Variants in SDK2 observed in about 807,000 individuals in gnomAD.
SDK2 encodes sidekick cell adhesion molecule 2.
In SDK2, 105 loss-of-function variants were observed where a neutral mutation model predicts 253.9. The ratio of observed to expected loss-of-function variants is 0.41; its 90% CI spans 0.35 to 0.49. The LOEUF is 0.49. SDK2 is among the 20% of genes least tolerant of loss of function. The pLI, the probability that SDK2 is intolerant of heterozygous loss-of-function variation, is 0.06. For synonymous variants in SDK2, 1,249 were observed against 1,234.9 expected, an observed-to-expected ratio of 1.01 and a Z score of -0.24; for missense variants, 2,608 against 3,003.0, an observed-to-expected ratio of 0.87 and a Z score of 3.07.
chr17:73,543,436 C>T (rs1169465979), intron 1 of SDK2, among the ~76,000 whole-genome samples: 1 of 152,232 alleles, frequency 6.6e-6, no homozygotes, highest in East Asian at 1.9e-4. Flanking sequence ...ACAGCCCATC[C>T]CTATTCCTCC....
At chr17:73,628,542 G>A (rs2046231115) in intron 1 of SDK2, among the ~76,000 whole-genome samples, 1 of 152,206 alleles carries the variant, frequency 6.6e-6, no homozygotes, top group South Asian at 2.1e-4. Flanking sequence ...GAGCTGACCT[G>A]CAGGTTCCCC....
chr17:73,516,280 G>A lies in SDK2; in HGVS notation c.65-8683C>T, dbSNP rs560380343. ...CCCACAACATTGGTCAAACCCAGGT[G>A]GGAGATGGTACTGGTCAGGGTGCCG... On this transcript the variant is annotated intron_variant, in intron 1 of 44. Transcript: ENST00000392650. Among the ~76,000 whole-genome samples, 7 of 152,360 alleles carry A rather than the reference G, an allele frequency of 4.6e-5. 1 individual carries two copies. In the South Asian group the frequency reaches 1.5e-3, roughly 32 times the overall value.
chr17:73,487,828 A>G (rs117204320), intron 2 of SDK2, among the ~76,000 whole-genome samples: 3,291 of 152,272 alleles, frequency 0.022, 56 homozygotes, highest in Middle Eastern at 0.054. Context: ...GATGACTTTG[A>G]TCATAGTTAA....
chr17:73,483,493 G>A (rs2063740747), intron 2 of SDK2, among the ~76,000 whole-genome samples: 1 of 107,186 alleles, frequency 9.3e-6, no homozygotes, highest in Admixed American at 1.1e-4. Flanking sequence ...GTGTGTGTGT[G>A]TGTGTGTGTG....
chr17:73,361,867 G>C lies in SDK2; in HGVS notation c.5306-22C>G. 1 of 1,559,474 alleles carries C rather than the reference G, an allele frequency of 6.4e-7. No individual in the cohort carries two copies. Among genetic ancestry groups the C allele is most frequent in the Non-Finnish European group, 8.7e-7 (1 of 1,146,870 alleles). ...ACTCCTGGGGGAGGCACAGCAAGTG[G>C]GGACTGGGCACAGGGCCCACCGAGG... On this transcript the variant is annotated intron_variant, in intron 38 of 44. Transcript: ENST00000392650. The surrounding 1 kb of genome is among the most constrained non-coding windows in gnomAD (Gnocchi z 4.1).
At chr17:73,505,229 A>G (rs1487207235) in intron 2 of SDK2, among the ~76,000 whole-genome samples, 4 of 152,204 alleles carry the variant, frequency 2.6e-5, no homozygotes, top group African/African-American at 4.8e-5. Flanking sequence ...AGTGTGGTGG[A>G]TGGTAACAAA....
intron 1 of SDK2, among the ~76,000 whole-genome samples, chr17:73,556,193 A>G (rs7223684): frequency 0.49 from 75,230 of 152,072 alleles, 19,366 homozygotes; most frequent in African/African-American, 0.65. Flanking sequence ...CCACTGAGGC[A>G]GATCACCAAG....
chr17:73,545,888 T>G (rs997111357), intron 1 of SDK2, among the ~76,000 whole-genome samples: 4 of 152,074 alleles, frequency 2.6e-5, no homozygotes, highest in African/African-American at 9.7e-5. Flanking sequence ...CTCCTCTGCC[T>G]CTCAGGACTG....
At chr17:73,350,147 G>A in intron 43 of SDK2, 90 bp downstream of exon 43, 2 of 665,978 alleles carry the variant, frequency 3.0e-6, no homozygotes, top group Non-Finnish European at 3.7e-6. Flanking sequence ...ATGGCCAGGT[G>A]GGCACTCCCT....
Position 73,361,572 on chromosome 17 carries a change from G to T in SDK2, c.5467+112C>A. Reference sequence around the variant, plus strand: ...GGCACCAGGGGAAAGAGTGAGCTCTGTCCTCCACTCTGTTTCCAGGGTCCA... The same window carrying T: ...GGCACCAGGGGAAAGAGTGAGCTCTTTCCTCCACTCTGTTTCCAGGGTCCA... On this transcript the variant is annotated intron_variant, in intron 39 of 44. Coordinates refer to ENST00000392650, the MANE Select transcript of SDK2 (RefSeq NM_001144952.2). This position sits in a 1 kb window ranked among gnomAD's most constrained non-coding sequence, Gnocchi z 4.1. 9.2e-7 allele frequency: 1 copy of T among 1,083,868 alleles called. No homozygotes were observed. Among genetic ancestry groups the T allele is most frequent in the Non-Finnish European group, 1.3e-6 (1 of 750,430 alleles). 67.1% of individuals were successfully genotyped at this position (1,083,868 alleles called of 1,614,324 possible).
At chr17:73,550,310 T>C (rs929172450) in intron 1 of SDK2, among the ~76,000 whole-genome samples, 8 of 152,156 alleles carry the variant, frequency 5.3e-5, no homozygotes, top group African/African-American at 1.7e-4. Flanking sequence ...TTCTGAAATA[T>C]ATGCTGCTTA....
chr17:73,455,457 A>T lies in SDK2; in HGVS notation c.479+449T>A, dbSNP rs926558864. On this transcript the variant is annotated intron_variant, in intron 4 of 44. Transcript: ENST00000392650. The surrounding 1 kb of genome is among the most constrained non-coding windows in gnomAD (Gnocchi z 5.0). ...CACACCTCCGCCGCACAGCCAAGAC[A>T]CACACAGCCCTCACACACCAGTAAA... Among the ~76,000 whole-genome samples, 2 of 151,994 alleles carry T rather than the reference A, an allele frequency of 1.3e-5. No individual in the cohort carries two copies. Among genetic ancestry groups the T allele is most frequent in the Non-Finnish European group, 2.9e-5 (2 of 67,976 alleles).
intron 1 of SDK2, among the ~76,000 whole-genome samples, chr17:73,559,857 G>A (rs1171387781): frequency 6.6e-6 from 1 of 152,180 alleles, no homozygotes; most frequent in African/African-American, 2.4e-5. Flanking sequence ...ACAACTCAAA[G>A]CCTTTAGTCC....
chr17:73,495,050 A>G (rs2063832499), intron 2 of SDK2, among the ~76,000 whole-genome samples: 1 of 152,230 alleles, frequency 6.6e-6, no homozygotes, highest in South Asian at 2.1e-4. Context: ...TGAGGATCCA[A>G]CAGAGCATCA....
In SDK2 at chr17:73,352,642, A is replaced by G. The variant is rs371671236; in HGVS notation, c.5594-5T>C. ...GGATGTCCCATAGTCCCTCGTCTGCAGGAGCACAGAGATGGAGGCCCTGGG... is the reference window on the plus strand; with the variant it reads ...GGATGTCCCATAGTCCCTCGTCTGCGGGAGCACAGAGATGGAGGCCCTGGG... On this transcript the variant is annotated splice_polypyrimidine_tract_variant and splice_region_variant and intron_variant, in intron 40 of 44. Coordinates refer to ENST00000392650, the MANE Select transcript of SDK2 (RefSeq NM_001144952.2). This position sits in a 1 kb window ranked among gnomAD's most constrained non-coding sequence, Gnocchi z 4.1. 1.7e-5 allele frequency: 28 copies of G among 1,613,502 alleles called. No individual in the cohort carries two copies. In the African/African-American group the frequency reaches 2.1e-4, roughly 12 times the overall value.
In SDK2 at chr17:73,644,107, G is replaced by C; in HGVS notation, c.-19C>G. ...CCCACATGGTGACCAGCCTGGAGAG[G>C]GGTCCTCGGGGTCTCCCTTCCCTCC... On this transcript the variant is annotated 5_prime_UTR_variant, in exon 1 of 45. Transcript: ENST00000392650. This position sits in a 1 kb window ranked among gnomAD's most constrained non-coding sequence, Gnocchi z 6.3. The C allele has an allele frequency of 6.5e-7, 1 of 1,544,370 alleles. No homozygotes were observed. Among genetic ancestry groups the C allele is most frequent in the Non-Finnish European group, 8.8e-7 (1 of 1,140,696 alleles).
chr17:73,601,703 C>A (rs764351881), intron 1 of SDK2, among the ~76,000 whole-genome samples: 6 of 152,062 alleles, frequency 3.9e-5, no homozygotes, highest in Admixed American at 6.5e-5. Flanking sequence ...ACCAACCCTG[C>A]CGACGACACC....
chr17:73,583,185 A>G (rs11650267), intron 1 of SDK2, among the ~76,000 whole-genome samples: 23,995 of 152,274 alleles, frequency 0.16, 1,996 homozygotes, highest in South Asian at 0.19. Context: ...TGTAGTAATG[A>G]AAGTTTTTAA....
At chr17:73,544,711 CTAACT>C (rs1349672000) in intron 1 of SDK2, among the ~76,000 whole-genome samples, 1 of 152,204 alleles carries the variant, frequency 6.6e-6, no homozygotes, top group African/African-American at 2.4e-5. Flanking sequence ...CAGAAAGCAT[CTAACT>C]TAACCTCTTC....
Sources: gnomAD v4.1 joint callset for allele counts (sites outside exome capture counted in the v4.1 genomes callset) on GRCh38, gnomAD v4.1.1 for gene constraint, Gnocchi (gnomAD v3.1) non-coding constraint, MANE v1.5 for transcripts, NCBI Gene and HGNC (gene_info 2026-07-23, HGNC 2026-07-21) for gene names.